Variants in TP63 observed in about 807,000 individuals in gnomAD.
The protein encoded by TP63 is tumor protein p63.
Under a neutral mutation model 82.8 loss-of-function variants are expected in TP63, and 17 were observed. The ratio of observed to expected loss-of-function variants is 0.21; its 90% CI spans 0.14 to 0.31. The LOEUF is 0.31. Among genes scored for constraint, TP63 ranks in the 10% least tolerant of loss-of-function variants. TP63 has a pLI of 1.00. For synonymous variants in TP63, 330 were observed against 321.7 expected, an observed-to-expected ratio of 1.03 and a Z score of -0.28; for missense variants, 648 against 895.3, an observed-to-expected ratio of 0.72 and a Z score of 3.52.
intron 4 of TP63, among the ~76,000 whole-genome samples, chr3:189,835,663 C>G (rs141121312): frequency 6.0e-4 from 91 of 151,860 alleles, no homozygotes; most frequent in African/African-American, 2.0e-3. Flanking sequence ...GTGGCTCACA[C>G]CTGTAATCCC....
chr3:189,816,403 A>G (rs1452625733), intron 4 of TP63, among the ~76,000 whole-genome samples: 1 of 152,120 alleles, frequency 6.6e-6, no homozygotes, highest in African/African-American at 2.4e-5. Flanking sequence ...CGCATTCCCC[A>G]AATTAGGTTA....
chr3:189,706,514 A>G (rs1162567557), intron 1 of TP63, among the ~76,000 whole-genome samples: 2 of 152,142 alleles, frequency 1.3e-5, no homozygotes, highest in Admixed American at 1.3e-4. Context: ...TCGGCCTCCC[A>G]GAGTGCTGGG....
At chr3:189,612,285 G>T in the TP63 span, among the ~76,000 whole-genome samples, 1 of 152,020 alleles carries the variant, frequency 6.6e-6, no homozygotes, top group Non-Finnish European at 1.5e-5. Flanking sequence ...CCGAGAAGAA[G>T]GTTACTGAAT....
At chr3:189,675,516 G>T (rs1007776261) in intron 1 of TP63, among the ~76,000 whole-genome samples, 4 of 151,930 alleles carry the variant, frequency 2.6e-5, no homozygotes, top group Non-Finnish European at 4.4e-5. Flanking sequence ...TTTGTACCAG[G>T]TCACATATTA....
At chr3:189,823,724 T>A (rs1334711712) in intron 4 of TP63, among the ~76,000 whole-genome samples, 1 of 152,156 alleles carries the variant, frequency 6.6e-6, no homozygotes, top group Admixed American at 6.5e-5. Flanking sequence ...CTCAGTTTTC[T>A]TGTCTTCAAA....
intron 1 of TP63, among the ~76,000 whole-genome samples, chr3:189,662,062 C>G (rs1463142463): frequency 6.6e-6 from 1 of 151,870 alleles, no homozygotes; most frequent in Non-Finnish European, 1.5e-5. Flanking sequence ...TCTCAAGTTT[C>G]CTAAGCTCTG....
intron 4 of TP63, among the ~76,000 whole-genome samples, chr3:189,814,734 G>A (rs557256005): frequency 6.6e-6 from 1 of 152,310 alleles, no homozygotes; most frequent in African/African-American, 2.4e-5. Flanking sequence ...CTTCCGAAGA[G>A]TTGTTCCCTC....
At chr3:189,882,221 G>T (rs1345825954) in intron 10 of TP63, among the ~76,000 whole-genome samples, 1 of 152,000 alleles carries the variant, frequency 6.6e-6, no homozygotes, top group Admixed American at 6.6e-5. Flanking sequence ...TTTCAGAAGG[G>T]TTTTTCTTTT....
intron 1 of TP63, among the ~76,000 whole-genome samples, chr3:189,675,945 C>CTTTTTGCTGCCATTATT (rs11268875): frequency 0.27 from 40,364 of 151,838 alleles, 5,395 homozygotes; most frequent in African/African-American, 0.32. Context: ...GAGCCAGAAA[C>CTTTTTGCTGCCATTATT]ACACACATTC....
intron 1 of TP63, among the ~76,000 whole-genome samples, chr3:189,690,143 A>G (rs374648352): frequency 1.4e-4 from 21 of 152,312 alleles, no homozygotes; most frequent in African/African-American, 4.3e-4. Context: ...TTTTCTTTTC[A>G]GACTTCCAAT....
At chr3:189,863,765 C>G (rs1717339732) in intron 4 of TP63, among the ~76,000 whole-genome samples, 1 of 152,110 alleles carries the variant, frequency 6.6e-6, no homozygotes, top group Non-Finnish European at 1.5e-5. Flanking sequence ...TCCCATGAAC[C>G]CTAATTCCTG....
chr3:189,647,974 G>C lies in TP63; in HGVS notation c.62+16397G>C, dbSNP rs1712565752. On this transcript the variant is annotated intron_variant, in intron 1 of 13. Transcript: ENST00000264731. ...ACTGTATTTCGTAACTAAGATTAAAGATTTCACATAGAAAGATTAAATAAA... is the reference window on the plus strand; with the variant it reads ...ACTGTATTTCGTAACTAAGATTAAACATTTCACATAGAAAGATTAAATAAA... Among the ~76,000 whole-genome samples the C allele has an allele frequency of 2.4e-5, 3 of 123,908 alleles. 1 individual carries two copies. The highest frequency in any genetic ancestry group is 9.0e-5 in the Admixed American group (1 of 11,076). 81.3% of individuals were successfully genotyped at this position (123,908 alleles called of 152,430 possible). A position where few individuals can be genotyped will look rare whatever the true frequency, so the allele number is the denominator to read the frequency against.
intron 9 of TP63, 87 bp downstream of exon 9, chr3:189,869,493 T>TCACA: frequency 8.4e-7 from 1 of 1,192,644 alleles, no homozygotes; most frequent in Non-Finnish European, 1.2e-6. Context: ...TCATTATCTG[T>TCACA]GACAATGGGA....
rs1250529796 is a variant in TP63 at position 189,786,914 on chromosome 3, A to G, written c.325-21358A>G. ...CATTTAGTACATTTGAGATCCACATATAAGCATTGTTGTTGAGTGCAGAGA... is the reference window on the plus strand; with the variant it reads ...CATTTAGTACATTTGAGATCCACATGTAAGCATTGTTGTTGAGTGCAGAGA... On this transcript the variant is annotated intron_variant, in intron 3 of 13. Transcript: ENST00000264731. 2.0e-5 allele frequency among the ~76,000 whole-genome samples: 3 copies of G among 152,102 alleles called. No homozygotes were observed. The East Asian group carries it at 5.8e-4, about 29-fold the overall frequency.
chr3:189,640,165 A>G (rs1459222743), intron 1 of TP63, among the ~76,000 whole-genome samples: 1 of 152,110 alleles, frequency 6.6e-6, no homozygotes, highest in Non-Finnish European at 1.5e-5. Flanking sequence ...GCTTTCTTAC[A>G]ACTTTTCCAT....
intron 1 of TP63, among the ~76,000 whole-genome samples, chr3:189,716,490 A>G (rs1473875011): frequency 6.6e-6 from 1 of 152,198 alleles, no homozygotes; most frequent in Non-Finnish European, 1.5e-5. Flanking sequence ...GAATTTGCCA[A>G]TCATCTTTCT....
chr3:189,778,590 T>C (rs985328646), intron 3 of TP63, among the ~76,000 whole-genome samples: 3 of 152,256 alleles, frequency 2.0e-5, no homozygotes, highest in African/African-American at 7.2e-5. Flanking sequence ...CTTCTAGCTA[T>C]TGATCATGAC....
intron 3 of TP63, among the ~76,000 whole-genome samples, chr3:189,766,896 A>T (rs564705459): frequency 1.3e-5 from 2 of 152,336 alleles, no homozygotes; most frequent in East Asian, 1.9e-4. Flanking sequence ...AGTGACAGGG[A>T]TTAAACTCTT....
Position 189,647,397 on chromosome 3 carries a change from C to T in TP63, c.62+15820C>T, listed in dbSNP as rs947860843. Among the ~76,000 whole-genome samples the T allele has an allele frequency of 8.2e-5, 12 of 146,956 alleles. 1 individual carries two copies. Among genetic ancestry groups the T allele is most frequent in the African/African-American group, 2.8e-4 (11 of 39,210 alleles). On this transcript the variant is annotated intron_variant, in intron 1 of 13. Transcript: ENST00000264731. ...ATGATTGATTAATATATCTAAGTTT[C>T]GTGATGAACAGTTGACCAAAGTCAC...
Sources: gnomAD v4.1 joint callset for allele counts (sites outside exome capture counted in the v4.1 genomes callset) on GRCh38, gnomAD v4.1.1 for gene constraint, MANE v1.5 for transcripts, NCBI Gene and HGNC (gene_info 2026-07-23, HGNC 2026-07-21) for gene names.